The following ZNF729 variants were observed in gnomAD, a reference collection of about 807,000 sequenced individuals.
The protein encoded by ZNF729 is zinc finger protein 729.
ZNF729 carries 15 observed loss-of-function variants against 12.2 expected under a neutral mutation model. The ratio of observed to expected loss-of-function variants is 1.23; its 90% confidence interval spans 0.82 to 1.89. The LOEUF (loss-of-function observed/expected upper bound fraction) is 1.89, where lower values mean the gene tolerates loss of function less well. Among genes scored for constraint, ZNF729 ranks in the 40% most tolerant of loss-of-function variants. The pLI is 0.00. For missense variants in ZNF729, 1,540 were observed against 1,456.7 expected, an observed-to-expected ratio of 1.06 and a Z score of -0.93; for synonymous variants, 492 against 476.3, an observed-to-expected ratio of 1.03 and a Z score of -0.43.
At chr19:22,312,091 G>A (rs1968456993) in intron 3 of ZNF729, among the ~76,000 whole-genome samples, 1 of 152,034 alleles carries the variant, frequency 6.6e-6, no homozygotes, top group East Asian at 1.9e-4. Flanking sequence ...ATTACCTCAT[G>A]CCATTAGGGG....
rs566583633 is a variant in ZNF729 at position 22,292,498 on chromosome 19, G to A, written c.30+5943G>A. 2.0e-5 allele frequency among the ~76,000 whole-genome samples: 3 copies of A among 152,172 alleles called. No individual in the cohort carries two copies. In the South Asian group the frequency reaches 6.2e-4, roughly 32 times the overall value. On this transcript the variant is annotated intron_variant, in intron 1 of 3. Transcript: ENST00000601693. ...CTGTCACCCAGGCTGGAGTATAGTG[G>A]CATGATCTCAGCTTACTGCAGCCTC... is the stretch of plus-strand genomic sequence containing the variant.
chr19:22,291,083 C>G (rs780855533), intron 1 of ZNF729, among the ~76,000 whole-genome samples: 1 of 152,098 alleles, frequency 6.6e-6, no homozygotes, highest in Admixed American at 6.5e-5. Context: ...TCTGTGCTGA[C>G]TCTGGGTGGT....
intron 3 of ZNF729, among the ~76,000 whole-genome samples, chr19:22,307,759 T>C (rs1169715715): frequency 6.9e-6 from 1 of 145,732 alleles, no homozygotes; most frequent in Non-Finnish European, 1.5e-5. Context: ...AAAAAAAGCA[T>C]ATTTTTTTCT....
At position 22,304,708 on chromosome 19, in the gene ZNF729, G is replaced by A. The variant is rs1345109915; in HGVS notation, c.178G>A (p.Asp60Asn). The A allele has an allele frequency of 5.6e-6, 9 of 1,612,744 alleles. No homozygotes were observed. The highest frequency in any genetic ancestry group is 7.6e-6 in the Non-Finnish European group (9 of 1,179,488). The stretch of plus-strand genomic sequence containing the variant: ...AACAGGTATGGCTGTCTTTAAGCCA[G>A]ACTTGATAACTTGTCTGAAGCAAGG... ...VFLGMAVFKPDLITCLKQGKE... is the reference protein window; with the variant it reads ...VFLGMAVFKPNLITCLKQGKE... Residue 60 changes from aspartate to asparagine, a missense_variant, in exon 3 of 4, where the codon GAC becomes AAC. Transcript: ENST00000601693.
intron 2 of ZNF729, 31 bp from the exon 3 acceptor site, chr19:22,304,651 TGACCAA>T (rs1968356696): frequency 6.5e-7 from 1 of 1,546,678 alleles, no homozygotes; most frequent in East Asian, 2.4e-5. Flanking sequence ...TTGGGTAATA[TGACCAA>T]TATTTATGTT....
At chr19:22,302,240 T>C (rs1205166226) in intron 1 of ZNF729, among the ~76,000 whole-genome samples, 3 of 152,306 alleles carry the variant, frequency 2.0e-5, no homozygotes, top group Non-Finnish European at 2.9e-5. Flanking sequence ...AACTAATAGC[T>C]TCCATTTCAT....
chr19:22,292,892 G>C (rs1319340337), intron 1 of ZNF729, among the ~76,000 whole-genome samples: 1 of 152,188 alleles, frequency 6.6e-6, no homozygotes, highest in Non-Finnish European at 1.5e-5. Flanking sequence ...ACCCAATTAT[G>C]AGGTTGTTGG....
chr19:22,287,514 T>C (rs1281195501), intron 1 of ZNF729, among the ~76,000 whole-genome samples: 2 of 152,020 alleles, frequency 1.3e-5, no homozygotes, highest in Non-Finnish European at 2.9e-5. Flanking sequence ...TGATCCGTCC[T>C]CCTCGGCCTC....
At chr19:22,313,197 G>T (rs560506067) in intron 3 of ZNF729, among the ~76,000 whole-genome samples, 1 of 152,050 alleles carries the variant, frequency 6.6e-6, no homozygotes, top group Non-Finnish European at 1.5e-5. Context: ...GACTACAGAC[G>T]TGTGCCACCA....
intron 1 of ZNF729, among the ~76,000 whole-genome samples, chr19:22,288,666 A>G (rs1490875589): frequency 6.6e-6 from 1 of 151,926 alleles, no homozygotes; most frequent in East Asian, 1.9e-4. Flanking sequence ...TCTTCACCCA[A>G]CCCAGCTTCC....
intron 3 of ZNF729, among the ~76,000 whole-genome samples, chr19:22,306,500 G>GT (rs542245598): frequency 0.051 from 7,242 of 143,010 alleles, 567 homozygotes; most frequent in African/African-American, 0.17. Context: ...TCTGTTTTAT[G>GT]TTTTTTTTTT....
At chr19:22,289,256 C>T (rs1968121910) in intron 1 of ZNF729, among the ~76,000 whole-genome samples, 1 of 144,784 alleles carries the variant, frequency 6.9e-6, no homozygotes, top group Non-Finnish European at 1.5e-5. Flanking sequence ...GACCAAGTCT[C>T]ACTCTGTCGC....
chr19:22,316,929 A>G lies in ZNF729; in HGVS notation c.3512A>G (p.Gln1171Arg). Residue 1171 changes from glutamine to arginine, a missense_variant, in exon 4 of 4, where the codon CAG (glutamine) becomes CGG (arginine). Physicochemically the swap from Gln to Arg is conservative, Grantham distance 43. Transcript: ENST00000601693. ...GAAGAATGTGGCAAAGCCTTTAACCAGTCCTCACACCTTACTAGACACAAA... is the reference window on the plus strand; with the variant it reads ...GAAGAATGTGGCAAAGCCTTTAACCGGTCCTCACACCTTACTAGACACAAA... ...KCEECGKAFNQSSHLTRHKTI... is the reference protein window; with the variant it reads ...KCEECGKAFNRSSHLTRHKTI... 6.2e-7 allele frequency: 1 copy of G among 1,613,148 alleles called. No homozygotes were observed. Among genetic ancestry groups the G allele is most frequent in the Non-Finnish European group, 8.5e-7 (1 of 1,179,960 alleles).
chr19:22,315,967 A>G lies in ZNF729; in HGVS notation c.2550A>G (p.Lys850=). ...RKHKVIHTGK[K]PYKCEECGKA... ...ATAAGGTAATTCATACTGGAAAGAA[A>G]CCCTACAAATGTGAAGAATGTGGCA... is the stretch of plus-strand genomic sequence containing the variant. The change falls in exon 4 of 4, where the codon AAA becomes AAG. Residue 850 remains lysine, a synonymous_variant. Coordinates refer to ENST00000601693, the MANE Select transcript of ZNF729 (RefSeq NM_001242680.2). 3 of 1,611,130 alleles carry G rather than the reference A, an allele frequency of 1.9e-6. No individual in the cohort carries two copies. The highest frequency in any genetic ancestry group is 2.5e-6 in the Non-Finnish European group (3 of 1,179,752).
intron 2 of ZNF729, among the ~76,000 whole-genome samples, chr19:22,304,396 G>C (rs1014182172): frequency 1.7e-4 from 26 of 152,092 alleles, no homozygotes; most frequent in African/African-American, 6.0e-4. Flanking sequence ...TTTCTGAGCA[G>C]ATCTGTATTT....
intron 3 of ZNF729, among the ~76,000 whole-genome samples, chr19:22,309,677 T>A (rs1471293757): frequency 4.6e-5 from 7 of 152,016 alleles, no homozygotes; most frequent in Admixed American, 4.6e-4. Context: ...TGTCTTGCTT[T>A]GGCTATGCAG....
intron 1 of ZNF729, among the ~76,000 whole-genome samples, chr19:22,295,038 TTGTGTGTG>T (rs71180536): frequency 1.3e-3 from 190 of 144,130 alleles, no homozygotes; most frequent in African/African-American, 3.7e-3. Context: ...TCCTAGATAT[TTGTGTGTG>T]TGTGTGTGTG....
intron 1 of ZNF729, among the ~76,000 whole-genome samples, chr19:22,302,031 A>G (rs1306116210): frequency 6.6e-6 from 1 of 152,310 alleles, no homozygotes; most frequent in African/African-American, 2.4e-5. Context: ...ACATTTGAGG[A>G]TGTCCAGAGC....
rs1227659442 is a variant in ZNF729 at position 22,304,786 on chromosome 19, A to G, written c.253+3A>G. ...TGAGATGGTAACTAAACCCCCAGGT[A>G]TGTGAGAGTGAATACAACAGACAAC... On this transcript the variant is annotated splice_donor_region_variant and intron_variant, in intron 3 of 3. Transcript: ENST00000601693. 3 of 1,612,514 alleles carry G rather than the reference A, an allele frequency of 1.9e-6. No homozygotes were observed. The highest frequency in any genetic ancestry group is 2.5e-6 in the Non-Finnish European group (3 of 1,179,314).
Sources: gnomAD v4.1 joint callset for allele counts (sites outside exome capture counted in the v4.1 genomes callset) on GRCh38, gnomAD v4.1.1 for gene constraint, MANE v1.5 for transcripts, NCBI Gene and HGNC (gene_info 2026-07-23, HGNC 2026-07-21) for gene names.